Variants in CRISP2 observed in about 807,000 individuals in gnomAD.
CRISP2 encodes the protein cysteine rich secretory protein 2, also known as cysteine-rich secretory protein 2.
CRISP2 carries 29 observed loss-of-function variants against 31.7 expected under a neutral mutation model. The observed-to-expected ratio is 0.92, with a 90% CI of 0.68 to 1.25. The LOEUF (loss-of-function observed/expected upper bound fraction) is 1.25, where lower values mean the gene tolerates loss of function less well. Among genes scored for constraint, CRISP2 ranks in the 50% most tolerant of loss-of-function variants. The pLI is 0.00. For missense variants in CRISP2, 318 were observed against 286.5 expected (o/e 1.11, Z -0.79); for synonymous variants, 111 against 101.4 (o/e 1.09, Z -0.57).
At chr6:49,695,457 T>C (rs1249013609) in intron 9 of CRISP2, among the ~76,000 whole-genome samples, 1 of 152,206 alleles carries the variant, frequency 6.6e-6, no homozygotes. Context: ...TGAGCCATAA[T>C]GTGGTCTCAC....
At chr6:49,697,407 G>GTGTGTGTGTGTGTGTGTGTGTGTGT (rs970345647) in intron 8 of CRISP2, among the ~76,000 whole-genome samples, 104 of 151,150 alleles carry the variant, frequency 6.9e-4, no homozygotes, top group Middle Eastern at 3.5e-3. Flanking sequence ...TGTGTGTGGT[G>GTGTGTGTGTGTGTGTGTGTGTGTGT]GTGTGTGTGT....
chr6:49,697,344 A>T (rs1307317442), intron 8 of CRISP2, among the ~76,000 whole-genome samples: 1 of 152,104 alleles, frequency 6.6e-6, no homozygotes, highest in Non-Finnish European at 1.5e-5. Context: ...TGAAATAAAG[A>T]TGTCCTGAAA....
At chr6:49,691,803 A>G (rs1764067172), downstream of CRISP2, among the ~76,000 whole-genome samples, 1 of 152,022 alleles carries the variant, frequency 6.6e-6, no homozygotes, top group Non-Finnish European at 1.5e-5. Context: ...AAGATTATTA[A>G]TTCAATTTCC....
intron 4 of CRISP2, among the ~76,000 whole-genome samples, chr6:49,704,996 G>A (rs1766770813): frequency 6.6e-6 from 1 of 152,132 alleles, no homozygotes; most frequent in Non-Finnish European, 1.5e-5. Context: ...GTAGTATGGG[G>A]GGATACAAGT....
At chr6:49,687,941 C>T (rs1763935813), downstream of CRISP2, among the ~76,000 whole-genome samples, 1 of 152,094 alleles carries the variant, frequency 6.6e-6, no homozygotes, top group Non-Finnish European at 1.5e-5. Context: ...AGTCACATGG[C>T]GTAACAAATA....
At position 49,692,527 on chromosome 6, in the gene CRISP2, T is replaced by C; in HGVS notation, c.*246A>G. On this transcript the variant is annotated 3_prime_UTR_variant, in exon 10 of 10. Coordinates refer to ENST00000339139, the MANE Select transcript of CRISP2 (RefSeq NM_003296.4). ...TCCTATGGTTATACAGTTTTCAAAA[T>C]CCTCAACCTGATTCAGTTCGTTATA... 1 of 329,462 alleles carries C rather than the reference T, an allele frequency of 3.0e-6. No individual in the cohort carries two copies. Among genetic ancestry groups the C allele is most frequent in the Non-Finnish European group, 5.6e-6 (1 of 178,388 alleles). The allele number at this position is 329,462 out of a possible 1,614,324, so 20.4% of individuals were successfully genotyped here.
intron 9 of CRISP2, among the ~76,000 whole-genome samples, chr6:49,693,964 G>C (rs1764321099): frequency 6.6e-6 from 1 of 152,060 alleles, no homozygotes; most frequent in South Asian, 2.1e-4. Flanking sequence ...TCTTGATGAG[G>C]TCATATTTTC....
At chr6:49,687,296 G>A in the CRISP2 span, among the ~76,000 whole-genome samples, 1 of 152,074 alleles carries the variant, frequency 6.6e-6, no homozygotes, top group Non-Finnish European at 1.5e-5. Context: ...TAAGTGAAAT[G>A]TTTTATTAAT....
In CRISP2 at chr6:49,699,822, G is replaced by A. The variant is rs764225976; in HGVS notation, c.253C>T (p.Pro85Ser). Reference protein sequence around the residue: ...ANKCTLQHSDPEDRKTSTRCG... With the variant: ...ANKCTLQHSDSEDRKTSTRCG... ...TACATACTGGTTTTGCGGTCCTCTGGATCACTATGTTGTAAAGTGCACTTG... is the reference window on the plus strand; with the variant it reads ...TACATACTGGTTTTGCGGTCCTCTGAATCACTATGTTGTAAAGTGCACTTG... The change falls in exon 6 of 10, where the codon CCA becomes TCA. Residue 85 changes from proline to serine, a missense_variant. Pro to Ser is a moderately conservative substitution (Grantham distance 74). Coordinates refer to ENST00000339139, the MANE Select transcript of CRISP2 (RefSeq NM_003296.4). The A allele has an allele frequency of 1.2e-6, 2 of 1,611,170 alleles. No individual in the cohort carries two copies. The highest frequency in any genetic ancestry group is 1.7e-5 in the Admixed American group (1 of 59,812).
chr6:49,691,266 T>C (rs1350789044), downstream of CRISP2, among the ~76,000 whole-genome samples: 1 of 152,054 alleles, frequency 6.6e-6, no homozygotes, highest in Non-Finnish European at 1.5e-5. Flanking sequence ...GTTACAAATA[T>C]AAATATTCCT....
the CRISP2 span, among the ~76,000 whole-genome samples, chr6:49,686,766 C>T: frequency 7.9e-5 from 12 of 152,108 alleles, no homozygotes; most frequent in South Asian, 2.1e-4. Flanking sequence ...ATGCTTATTG[C>T]GGCATTATTC....
intron 2 of CRISP2, among the ~76,000 whole-genome samples, chr6:49,711,813 G>A (rs994263376): frequency 1.3e-5 from 2 of 152,130 alleles, no homozygotes; most frequent in East Asian, 1.9e-4. Flanking sequence ...TTTTTCTTAT[G>A]TAAAATGTAG....
intron 5 of CRISP2, among the ~76,000 whole-genome samples, chr6:49,700,273 C>T (rs1765443537): frequency 1.3e-5 from 2 of 152,026 alleles, no homozygotes. Context: ...TAAGCCATTG[C>T]TTTCATATCG....
chr6:49,698,883 T>C (rs1219613984), intron 6 of CRISP2, among the ~76,000 whole-genome samples: 2 of 152,026 alleles, frequency 1.3e-5, no homozygotes, highest in Non-Finnish European at 2.9e-5. Context: ...TCAACAGAGA[T>C]TTTTCAAATA....
chr6:49,684,864 C>T, the CRISP2 span, among the ~76,000 whole-genome samples: 2 of 152,184 alleles, frequency 1.3e-5, no homozygotes, highest in African/African-American at 4.8e-5. Flanking sequence ...AAAGTCTAAA[C>T]TTTCAGTCAA....
chr6:49,692,934 G>A (rs760592389), intron 9 of CRISP2, 34 bp from the exon 10 acceptor site: 18 of 1,607,814 alleles, frequency 1.1e-5, no homozygotes, highest in Non-Finnish European at 1.4e-5. Context: ...ACTCATTATC[G>A]TTTTCCTCAG....
At position 49,695,880 on chromosome 6, in the gene CRISP2, G is replaced by C. The variant is rs776791280; in HGVS notation, c.560C>G (p.Thr187Arg). ...NRKNTPYQQGTPCAGCPDDCD... is the reference protein window; with the variant it reads ...NRKNTPYQQGRPCAGCPDDCD... ...GTCATCAGGGCAACCGGCACAAGGT[G>C]TTCCTTGTTGGTACGGGGTATTCTT... Residue 187 changes from threonine (T) to arginine (R), a missense_variant, in exon 9 of 10, where the codon ACA becomes AGA. Transcript: ENST00000339139. The C allele has an allele frequency of 6.2e-7, 1 of 1,613,008 alleles. No individual in the cohort carries two copies. The highest frequency in any genetic ancestry group is 1.3e-5 in the African/African-American group (1 of 74,982).
At chr6:49,705,858 C>T (rs541961247) in intron 4 of CRISP2, among the ~76,000 whole-genome samples, 3 of 152,308 alleles carry the variant, frequency 2.0e-5, no homozygotes, top group South Asian at 2.1e-4. Context: ...TCTTCCCTCA[C>T]GCTTTGGGCC....
chr6:49,704,771 G>T (rs961057458), intron 4 of CRISP2, among the ~76,000 whole-genome samples: 1 of 152,170 alleles, frequency 6.6e-6, no homozygotes. Context: ...AGTGGACTCT[G>T]TGAGAGTCCT....
Sources: allele counts gnomAD v4.1 joint callset (sites outside exome capture counted in the v4.1 genomes callset), GRCh38; gene constraint gnomAD v4.1.1; transcripts MANE v1.5; gene names NCBI Gene and HGNC (gene_info 2026-07-23, HGNC 2026-07-21).